Variants in ARGFX observed in about 807,000 individuals in gnomAD.
The protein encoded by ARGFX is arginine-fifty homeobox.
In ARGFX, 10 loss-of-function variants were observed where a neutral mutation model predicts 8.0. The observed-to-expected ratio is 1.25, with a 90% CI of 0.77 to 2.12. The LOEUF (loss-of-function observed/expected upper bound fraction) is 2.12. ARGFX is among the 30% of genes most tolerant of loss of function. ARGFX has a pLI of 0.00. For synonymous variants in ARGFX, 116 were observed against 117.8 expected (o/e 0.98, Z 0.10); for missense variants, 282 against 324.3 (o/e 0.87, Z 1.00).
chr3:121,580,055 T>C (rs1295410950), intron 3 of ARGFX, among the ~76,000 whole-genome samples: 1 of 145,182 alleles, frequency 6.9e-6, no homozygotes, highest in African/African-American at 2.6e-5. Flanking sequence ...CAGGTTCAAC[T>C]GATTCTCCCA....
chr3:121,590,580 C>A lies in ARGFX; in HGVS notation c.*3980C>A, dbSNP rs1230981553. ...CCATCTTCCGTCTGAGACTGGAAGA[C>A]TTCCCAGCCTTCAGAACTGTAAGAA... On this transcript the variant is annotated 3_prime_UTR_variant, in exon 5 of 5. Coordinates refer to ENST00000334384, the MANE Select transcript of ARGFX (RefSeq NM_001012659.2). Among the ~76,000 whole-genome samples the A allele has an allele frequency of 6.6e-6, 1 of 152,022 alleles. No homozygotes were observed. The highest frequency in any genetic ancestry group is 1.5e-5 in the Non-Finnish European group (1 of 68,024).
intron 2 of ARGFX, among the ~76,000 whole-genome samples, chr3:121,576,393 C>T (rs562134): frequency 0.016 from 2,365 of 152,242 alleles, 31 homozygotes; most frequent in Non-Finnish European, 0.023. Flanking sequence ...GGCTGGAGTG[C>T]AGTAGTGTGA....
chr3:121,576,707 T>TTTTCTTTCTCTC (rs1553834277), intron 2 of ARGFX, 77 bp from the exon 3 acceptor site: 1 of 246,626 alleles, frequency 4.1e-6, no homozygotes, highest in African/African-American at 2.7e-5. Flanking sequence ...CTTTCTTTCT[T>TTTTCTTTCTCTC]TTTCTTTCTT....
intron 2 of ARGFX, among the ~76,000 whole-genome samples, chr3:121,571,916 TCTCC>T (rs2048711280): frequency 6.9e-6 from 1 of 145,614 alleles, no homozygotes; most frequent in African/African-American, 2.6e-5. Context: ...GCAACCTCCG[TCTCC>T]CAGGTTCAAG....
At chr3:121,580,557 T>C (rs2048771764) in intron 3 of ARGFX, among the ~76,000 whole-genome samples, 1 of 146,376 alleles carries the variant, frequency 6.8e-6, no homozygotes, top group Non-Finnish European at 1.5e-5. Context: ...AATTTTGAGT[T>C]ATAAAGAAAA....
chr3:121,585,041 C>A lies in ARGFX; in HGVS notation c.345C>A (p.Leu115=), dbSNP rs148181426. 6.2e-7 allele frequency: 1 copy of A among 1,613,918 alleles called. No homozygotes were observed. The highest frequency in any genetic ancestry group is 1.7e-5 in the Admixed American group (1 of 60,006). ...TTCAGGAGAAACTAGCTTTGAGACT[C>A]GACCTACCGGAGTCAACAGTAAAGG... ...RNLQEKLALR[L]DLPESTVKVW... The change falls in exon 4 of 5, where the codon CTC becomes CTA. Residue 115 remains leucine (L), a synonymous_variant. Transcript: ENST00000334384.
chr3:121,577,247 ATATATATATATATTTTTT>A (rs1235649149), intron 3 of ARGFX, among the ~76,000 whole-genome samples: 1 of 52,142 alleles, frequency 1.9e-5, no homozygotes, highest in Non-Finnish European at 3.7e-5. Flanking sequence ...ATATATATAT[ATATATATATATATTTTTT>A]TTTTTTTAAA....
chr3:121,586,538 A>T lies in ARGFX; in HGVS notation c.886A>T (p.Ser296Cys). The T allele has an allele frequency of 2.5e-6, 4 of 1,614,180 alleles. No individual in the cohort carries two copies. The highest frequency in any genetic ancestry group is 3.4e-6 in the Non-Finnish European group (4 of 1,180,038). ...NMTSQAFEAY[S>C]LTDSLEFQKT... ...GACAAGCCAAGCCTTTGAAGCCTAC[A>T]GTCTAACAGATAGCCTGGAATTCCA... Residue 296 changes from serine (S) to cysteine (C), a missense_variant, in exon 5 of 5, where the codon AGT becomes TGT. By Grantham distance (112) the Ser-to-Cys change is moderately radical. Coordinates refer to ENST00000334384, the MANE Select transcript of ARGFX (RefSeq NM_001012659.2).
At position 121,586,882 on chromosome 3, in the gene ARGFX, T is replaced by G. The variant is rs2048815780; in HGVS notation, c.*282T>G. The stretch of plus-strand genomic sequence containing the variant: ...TTTTCTAAAAGTAGGACAGTGGTTT[T>G]GGGGGTTATCCACTTTTATTTTTTT... On this transcript the variant is annotated 3_prime_UTR_variant, in exon 5 of 5. Coordinates refer to ENST00000334384, the MANE Select transcript of ARGFX (RefSeq NM_001012659.2). 6.6e-6 allele frequency among the ~76,000 whole-genome samples: 1 copy of G among 152,132 alleles called. No individual in the cohort carries two copies. The highest frequency in any genetic ancestry group is 1.5e-5 in the Non-Finnish European group (1 of 68,018).
At chr3:121,584,438 T>A (rs1418877806) in intron 3 of ARGFX, among the ~76,000 whole-genome samples, 1 of 152,138 alleles carries the variant, frequency 6.6e-6, no homozygotes, top group Non-Finnish European at 1.5e-5. Flanking sequence ...ATTTCATAAT[T>A]AAAAAAATTT....
chr3:121,569,729 G>T (rs2048696504), intron 1 of ARGFX, among the ~76,000 whole-genome samples: 1 of 152,076 alleles, frequency 6.6e-6, no homozygotes, highest in Non-Finnish European at 1.5e-5. Context: ...AAAATCCATT[G>T]GTCTACATTG....
chr3:121,580,892 C>G (rs1030154150), intron 3 of ARGFX, among the ~76,000 whole-genome samples: 1 of 152,020 alleles, frequency 6.6e-6, no homozygotes, highest in Non-Finnish European at 1.5e-5. Context: ...CCCACTGCTT[C>G]CTTTACTGTA....
chr3:121,573,175 GAC>G (rs2048718242), intron 2 of ARGFX, among the ~76,000 whole-genome samples: 1 of 151,994 alleles, frequency 6.6e-6, no homozygotes, highest in Non-Finnish European at 1.5e-5. Flanking sequence ...ATGATCAAAG[GAC>G]ACAATCAAAA....
intron 3 of ARGFX, among the ~76,000 whole-genome samples, chr3:121,581,053 G>A (rs982264576): frequency 2.6e-5 from 4 of 152,030 alleles, no homozygotes; most frequent in African/African-American, 9.7e-5. Context: ...TCAGCTCACT[G>A]CAACCTCTGC....
At position 121,590,119 on chromosome 3, in the gene ARGFX, T is replaced by C. The variant is rs1257863407; in HGVS notation, c.*3519T>C. Among the ~76,000 whole-genome samples the C allele has an allele frequency of 1.3e-5, 2 of 152,166 alleles. No individual in the cohort carries two copies. The highest frequency in any genetic ancestry group is 2.4e-5 in the African/African-American group (1 of 41,438). On this transcript the variant is annotated 3_prime_UTR_variant, in exon 5 of 5. Coordinates refer to ENST00000334384, the MANE Select transcript of ARGFX (RefSeq NM_001012659.2). Reference sequence around the variant, plus strand: ...ACCAAACTTATAGAAATAAAAATTATTAGAAAGAAATACTATGAACAATTG... The same window carrying C: ...ACCAAACTTATAGAAATAAAAATTACTAGAAAGAAATACTATGAACAATTG...
At chr3:121,574,827 G>A (rs900098495) in intron 2 of ARGFX, among the ~76,000 whole-genome samples, 1 of 152,134 alleles carries the variant, frequency 6.6e-6, no homozygotes, top group African/African-American at 2.4e-5. Flanking sequence ...ACAGTACATG[G>A]CTAAGAATTT....
Position 121,567,993 on chromosome 3 carries a change from C to T in ARGFX, c.-33C>T, listed in dbSNP as rs1259501449. Among the ~76,000 whole-genome samples the T allele has an allele frequency of 2.6e-5, 4 of 151,976 alleles. No homozygotes were observed. Among genetic ancestry groups the T allele is most frequent in the African/African-American group, 9.7e-5 (4 of 41,382 alleles). On this transcript the variant is annotated 5_prime_UTR_variant, in exon 1 of 5. Coordinates refer to ENST00000334384, the MANE Select transcript of ARGFX (RefSeq NM_001012659.2). ...CACCACGTAGGACTGAAAATGGTTA[C>T]TCTAAGGGGATTCGTGACAGGTAAG...
intron 2 of ARGFX, among the ~76,000 whole-genome samples, chr3:121,573,297 A>G (rs895150496): frequency 3.9e-5 from 6 of 152,094 alleles, no homozygotes; most frequent in Non-Finnish European, 8.8e-5. Context: ...CCTGGCCAAC[A>G]TGGTGAAACC....
rs1348528185 is a variant in ARGFX, at chr3:121,587,477, C to T, written c.*877C>T. On this transcript the variant is annotated 3_prime_UTR_variant, in exon 5 of 5. Coordinates refer to ENST00000334384, the MANE Select transcript of ARGFX (RefSeq NM_001012659.2). ...TGCTAGGAATACAGGAGTGCACCAT[C>T]GCACCCGGCTGGGTTATCTAGTTTA... 6.6e-6 allele frequency among the ~76,000 whole-genome samples: 1 copy of T among 152,104 alleles called. No individual in the cohort carries two copies. The highest frequency in any genetic ancestry group is 1.5e-5 in the Non-Finnish European group (1 of 68,018).
Sources: allele counts gnomAD v4.1 joint callset (sites outside exome capture counted in the v4.1 genomes callset), GRCh38; gene constraint gnomAD v4.1.1; transcripts MANE v1.5; gene names NCBI Gene and HGNC (gene_info 2026-07-23, HGNC 2026-07-21).